The following OR7E24 variants were observed in gnomAD, a reference collection of about 807,000 sequenced individuals.
OR7E24 encodes the protein olfactory receptor family 7 subfamily E member 24.
For synonymous variants in OR7E24, 130 were observed against 157.5 expected, an observed-to-expected ratio of 0.83 and a Z score of 1.31; for missense variants, 385 against 410.3, an observed-to-expected ratio of 0.94 and a Z score of 0.53.
At chr19:9,227,237 CT>C in the OR7E24 span, among the ~76,000 whole-genome samples, 44,771 of 145,206 alleles carry the variant, frequency 0.31, 9,134 homozygotes, top group African/African-American at 0.59. Flanking sequence ...CATTCTTTCT[CT>C]TTTTTTTTTT....
At chr19:9,239,574 C>T in the OR7E24 span, among the ~76,000 whole-genome samples, 3 of 152,142 alleles carry the variant, frequency 2.0e-5, no homozygotes, top group Non-Finnish European at 4.4e-5. Context: ...AGTGTTTTTT[C>T]ATATACCTGT....
chr19:9,218,952 GA>G, the OR7E24 span, among the ~76,000 whole-genome samples: 703 of 151,430 alleles, frequency 4.6e-3, 4 homozygotes, highest in African/African-American at 0.016. Context: ...TTTAATATGA[GA>G]AAAAAAATTG....
At chr19:9,226,566 G>A in the OR7E24 span, among the ~76,000 whole-genome samples, 1 of 152,354 alleles carries the variant, frequency 6.6e-6, no homozygotes, top group South Asian at 2.1e-4. Context: ...GCTTGGACCA[G>A]TATAAGCATG....
chr19:9,249,975 T>A (rs2066140661), upstream of OR7E24, among the ~76,000 whole-genome samples: 2 of 152,000 alleles, frequency 1.3e-5, no homozygotes, highest in African/African-American at 4.8e-5. Context: ...AAAAAAAAAA[T>A]TAAAAGCATT....
At chr19:9,221,340 C>T in the OR7E24 span, among the ~76,000 whole-genome samples, 20 of 81,178 alleles carry the variant, frequency 2.5e-4, no homozygotes, top group Admixed American at 2.5e-4. Context: ...GTCTTTTGCC[C>T]TTTTTTTTTT....
chr19:9,251,650 C>T lies in OR7E24; in HGVS notation c.607C>T (p.Leu203Phe). The T allele has an allele frequency of 1.2e-6, 2 of 1,613,628 alleles. No individual in the cohort carries two copies. Among genetic ancestry groups the T allele is most frequent in the Non-Finnish European group, 1.7e-6 (2 of 1,179,804 alleles). ...SNFFCDPSQL[L>F]HLRCSDTFIN... ...TTTCTTCTGTGACCCTTCTCAACTC[C>T]TCCACCTTAGGTGTTCCGACACCTT... Residue 203 changes from leucine to phenylalanine, a missense_variant, in exon 1 of 1, where the codon CTC becomes TTC. Coordinates refer to ENST00000456448, the MANE Select transcript of OR7E24 (RefSeq NM_001079935.2).
chr19:9,224,778 A>AAAAAG, the OR7E24 span, among the ~76,000 whole-genome samples: 1 of 151,842 alleles, frequency 6.6e-6, no homozygotes, highest in African/African-American at 2.4e-5. Context: ...AAAAAAAAAA[A>AAAAAG]AGAGAGAGAG....
chr19:9,216,853 A>G, the OR7E24 span, among the ~76,000 whole-genome samples: 1 of 152,190 alleles, frequency 6.6e-6, no homozygotes, highest in Admixed American at 6.5e-5. Flanking sequence ...TGGCCTCCCA[A>G]TGTGCTGAGA....
chr19:9,226,147 G>A, the OR7E24 span, among the ~76,000 whole-genome samples: 1 of 152,224 alleles, frequency 6.6e-6, no homozygotes, highest in Non-Finnish European at 1.5e-5. Flanking sequence ...GAAGTTCTTA[G>A]AGACTTCTGC....
At position 9,251,747 on chromosome 19, in the gene OR7E24, C is replaced by G. The variant is rs1568336363; in HGVS notation, c.704C>G (p.Ser235Cys). The change falls in exon 1 of 1, where the codon TCT (serine) becomes TGT (cysteine). Residue 235 changes from serine (S) to cysteine (C), a missense_variant. Transcript: ENST00000456448. ...CTCCCTATCTCAGGGATCCTTTTCT[C>G]TTACTATAAAATTGTTTCCCCCATT... The part of the protein sequence containing the change: ...GCLPISGILF[S>C]YYKIVSPILR... 1 of 1,611,908 alleles carries G rather than the reference C, an allele frequency of 6.2e-7. No homozygotes were observed. Among genetic ancestry groups the G allele is most frequent in the African/African-American group, 1.3e-5 (1 of 75,024 alleles).
At chr19:9,223,791 G>A in the OR7E24 span, among the ~76,000 whole-genome samples, 1 of 149,654 alleles carries the variant, frequency 6.7e-6, no homozygotes, top group African/African-American at 2.5e-5. Flanking sequence ...ATGGACCCTA[G>A]GTACAAGCTA....
chr19:9,247,879 G>T (rs1351317617), upstream of OR7E24, among the ~76,000 whole-genome samples: 1 of 152,090 alleles, frequency 6.6e-6, no homozygotes, highest in East Asian at 1.9e-4. Flanking sequence ...ATATCACTTT[G>T]TATGCTCATT....
At chr19:9,210,942 G>A in the OR7E24 span, 3 of 152,248 alleles carry the variant, frequency 2.0e-5, no homozygotes, top group Admixed American at 6.5e-5. Context: ...ATCCAGTGCA[G>A]AGGAAAGGGC....
chr19:9,218,031 C>G, the OR7E24 span, among the ~76,000 whole-genome samples: 2 of 152,170 alleles, frequency 1.3e-5, no homozygotes, highest in Non-Finnish European at 2.9e-5. Context: ...CTATATTCTT[C>G]CTCCTTGTCC....
At chr19:9,215,216 A>C in the OR7E24 span, among the ~76,000 whole-genome samples, 1 of 151,916 alleles carries the variant, frequency 6.6e-6, no homozygotes, top group East Asian at 1.9e-4. Context: ...TGTGGAGTGC[A>C]CCTGTAATCC....
chr19:9,246,131 G>T (rs973234780), upstream of OR7E24, among the ~76,000 whole-genome samples: 7 of 130,720 alleles, frequency 5.4e-5, no homozygotes, highest in African/African-American at 1.8e-4. Flanking sequence ...GTGCAGTGGC[G>T]CGATCTCAGC....
chr19:9,245,221 GA>G (rs140870634), upstream of OR7E24, among the ~76,000 whole-genome samples: 8,028 of 143,358 alleles, frequency 0.056, 423 homozygotes, highest in African/African-American at 0.15. Context: ...TCTCAATAAA[GA>G]AAAAAAAAAA....
At chr19:9,223,069 G>C in the OR7E24 span, among the ~76,000 whole-genome samples, 2 of 152,038 alleles carry the variant, frequency 1.3e-5, no homozygotes, top group Non-Finnish European at 2.9e-5. Flanking sequence ...TATGGCTTTT[G>C]TTCTTCATTC....
At chr19:9,228,886 G>A in the OR7E24 span, among the ~76,000 whole-genome samples, 1 of 152,164 alleles carries the variant, frequency 6.6e-6, no homozygotes, top group Non-Finnish European at 1.5e-5. Flanking sequence ...TTAGAAAAAT[G>A]TGCTTAAAGG....
Sources: gnomAD v4.1 joint callset for allele counts (sites outside exome capture counted in the v4.1 genomes callset) on GRCh38, gnomAD v4.1.1 for gene constraint, MANE v1.5 for transcripts, NCBI Gene and HGNC (gene_info 2026-07-23, HGNC 2026-07-21) for gene names.